Variants in TBK1 observed in about 807,000 individuals in gnomAD.
The protein encoded by TBK1 is TANK binding kinase 1, also known as serine/threonine-protein kinase TBK1.
A neutral mutation model predicts 99.9 loss-of-function variants in TBK1; 37 were observed. That is an observed-to-expected ratio of 0.37 (90% CI 0.28 to 0.49). TBK1 has a LOEUF of 0.49. Ranked by LOEUF, TBK1 falls within the 20% of genes least tolerant of loss-of-function variation. The pLI, the probability that TBK1 is intolerant of heterozygous loss-of-function variation, is 0.98. For synonymous variants in TBK1, 258 were observed against 279.8 expected, an observed-to-expected ratio of 0.92 and a Z score of 0.78; for missense variants, 644 against 872.5, an observed-to-expected ratio of 0.74 and a Z score of 3.30.
intron 16 of TBK1, 76 bp from the exon 17 acceptor site, chr12:64,496,873 A>G (rs1253946026): frequency 2.1e-6 from 2 of 954,098 alleles, no homozygotes; most frequent in Admixed American, 2.6e-5. Flanking sequence ...TACATTTCAT[A>G]TATTTGAAAA....
At chr12:64,488,690 A>G in intron 12 of TBK1, 102 bp downstream of exon 12, 1 of 856,260 alleles carries the variant, frequency 1.2e-6, no homozygotes, top group Non-Finnish European at 1.8e-6. Flanking sequence ...ATGCTATGCT[A>G]GGGTTTCTAT....
intron 4 of TBK1, among the ~76,000 whole-genome samples, chr12:64,465,755 T>G (rs1021806623): frequency 6.6e-6 from 1 of 152,098 alleles, no homozygotes; most frequent in African/African-American, 2.4e-5. Context: ...GAAAACAGAT[T>G]AGTGGTTTCT....
At chr12:64,492,406 A>C (rs2040878026) in intron 13 of TBK1, among the ~76,000 whole-genome samples, 1 of 152,166 alleles carries the variant, frequency 6.6e-6, no homozygotes, top group Non-Finnish European at 1.5e-5. Context: ...TCCTGGGTTC[A>C]AGCAATTCTC....
intron 13 of TBK1, among the ~76,000 whole-genome samples, chr12:64,491,262 A>G (rs914715594): frequency 6.6e-6 from 1 of 152,102 alleles, no homozygotes. Context: ...TTTCTCTAAA[A>G]TCAGCAATTT....
At chr12:64,479,563 T>C (rs1258582554) in intron 6 of TBK1, among the ~76,000 whole-genome samples, 1 of 152,252 alleles carries the variant, frequency 6.6e-6, no homozygotes, top group Non-Finnish European at 1.5e-5. Flanking sequence ...CTGTGCTCTA[T>C]ATAGTATAAT....
At chr12:64,476,147 CTTCTT>C (rs1224220958) in intron 6 of TBK1, among the ~76,000 whole-genome samples, 3 of 114,868 alleles carry the variant, frequency 2.6e-5, no homozygotes, top group Non-Finnish European at 5.4e-5. Flanking sequence ...CTTGCGTAGT[CTTCTT>C]TTTTTTTTTT....
At chr12:64,494,296 C>T (rs1592375214) in intron 13 of TBK1, among the ~76,000 whole-genome samples, 2 of 148,640 alleles carry the variant, frequency 1.3e-5, no homozygotes, top group South Asian at 4.3e-4. Flanking sequence ...AACCCCAACT[C>T]TACCAAAAAA....
chr12:64,488,609 C>A, intron 12 of TBK1, 21 bp downstream of exon 12: 3 of 1,434,074 alleles, frequency 2.1e-6, no homozygotes, highest in Middle Eastern at 3.5e-4. Context: ...TACTTCCTTA[C>A]TAGTAGGGGT....
intron 11 of TBK1, among the ~76,000 whole-genome samples, chr12:64,487,044 CAGAATAACTGGTTATCTAGTTT>C (rs2040827203): frequency 6.6e-6 from 1 of 152,100 alleles, no homozygotes; most frequent in African/African-American, 2.4e-5. Flanking sequence ...TATTCTAGTT[CAGAATAACTGGTTATCTAGTTT>C]AAGTAGTTTC....
chr12:64,487,522 C>T (rs2040831284), intron 11 of TBK1, among the ~76,000 whole-genome samples: 1 of 152,022 alleles, frequency 6.6e-6, no homozygotes, highest in Non-Finnish European at 1.5e-5. Flanking sequence ...TTTCTGTTTC[C>T]ACTAAGAAGC....
At chr12:64,469,603 C>T (rs1032105664) in intron 5 of TBK1, among the ~76,000 whole-genome samples, 6 of 152,204 alleles carry the variant, frequency 3.9e-5, no homozygotes, top group African/African-American at 1.4e-4. Context: ...TCACTTTCCC[C>T]AGTTCAGACA....
intron 20 of TBK1, among the ~76,000 whole-genome samples, chr12:64,499,918 A>G (rs1043215115): frequency 1.3e-5 from 2 of 151,756 alleles, no homozygotes; most frequent in Non-Finnish European, 2.9e-5. Flanking sequence ...GGATGGTCTC[A>G]ATCTCTTGAC....
rs554615612 is a variant in TBK1 at position 64,501,347 on chromosome 12, T to C, written c.2156T>C (p.Met719Thr). 3.1e-6 allele frequency: 5 copies of C among 1,614,098 alleles called. No homozygotes were observed. In the South Asian group the frequency reaches 3.3e-5, roughly 11 times the overall value. ...HILERFGSLT[M>T]DGGLRNVDCL ...TGTTTTAGGTTTGGCTCTTTAACCATGGATGGTGGCCTTCGCAACGTTGAC... is the reference window on the plus strand; with the variant it reads ...TGTTTTAGGTTTGGCTCTTTAACCACGGATGGTGGCCTTCGCAACGTTGAC... Residue 719 changes from methionine (M) to threonine (T), a missense_variant, in exon 21 of 21, where the codon ATG becomes ACG. Physicochemically the swap from Met to Thr is moderately conservative, Grantham distance 81. Coordinates refer to ENST00000331710, the MANE Select transcript of TBK1 (RefSeq NM_013254.4).
intron 5 of TBK1, among the ~76,000 whole-genome samples, chr12:64,468,143 G>A (rs902930258): frequency 6.6e-6 from 1 of 152,000 alleles, no homozygotes; most frequent in African/African-American, 2.4e-5. Flanking sequence ...AGCTATGATT[G>A]CACCACTGCA....
intron 20 of TBK1, 26 bp from the exon 21 acceptor site, chr12:64,501,303 CT>C (rs1169721722): frequency 4.3e-6 from 7 of 1,611,086 alleles, no homozygotes; most frequent in African/African-American, 4.0e-5. Context: ...TTGAGATTAC[CT>C]TTTTTTCTTT....
intron 5 of TBK1, among the ~76,000 whole-genome samples, chr12:64,470,042 A>G (rs1047377536): frequency 2.6e-5 from 4 of 152,218 alleles, no homozygotes; most frequent in African/African-American, 9.6e-5. Flanking sequence ...CCTGGAGACA[A>G]GAATGACCTC....
chr12:64,461,578 C>CAGAT (rs1461461855), intron 3 of TBK1, among the ~76,000 whole-genome samples: 1 of 152,122 alleles, frequency 6.6e-6, no homozygotes, highest in East Asian at 1.9e-4. Flanking sequence ...GAATGTGTGG[C>CAGAT]AGATAGTTAC....
At chr12:64,456,820 T>A (rs370119050) in intron 2 of TBK1, among the ~76,000 whole-genome samples, 1 of 145,700 alleles carries the variant, frequency 6.9e-6, no homozygotes, top group Non-Finnish European at 1.5e-5. Context: ...CCAGCCTGGG[T>A]GACAGAGCAA....
At chr12:64,500,922 C>G (rs551528471) in intron 20 of TBK1, among the ~76,000 whole-genome samples, 2 of 152,040 alleles carry the variant, frequency 1.3e-5, no homozygotes, top group Non-Finnish European at 2.9e-5. Context: ...CCACACCCAG[C>G]TAATTTTTGT....
Sources: gnomAD v4.1 joint callset for allele counts (sites outside exome capture counted in the v4.1 genomes callset) on GRCh38, gnomAD v4.1.1 for gene constraint, MANE v1.5 for transcripts, NCBI Gene and HGNC (gene_info 2026-07-23, HGNC 2026-07-21) for gene names.